NEU3: variants seen among roughly 807,000 people sequenced by gnomAD.
NEU3 encodes neuraminidase 3.
A neutral mutation model predicts 11.4 loss-of-function variants in NEU3; 10 were observed. The ratio of observed to expected loss-of-function variants is 0.88; its 90% CI spans 0.54 to 1.49. The LOEUF (loss-of-function observed/expected upper bound fraction) is 1.49. NEU3 is among the 40% of genes most tolerant of loss of function. The pLI is 0.00. For missense variants in NEU3, 529 were observed against 581.8 expected (o/e 0.91, Z 0.93); for synonymous variants, 212 against 228.2 (o/e 0.93, Z 0.64).
the NEU3 span, among the ~76,000 whole-genome samples, chr11:74,982,096 A>G: frequency 6.6e-6 from 1 of 152,254 alleles, no homozygotes; most frequent in Non-Finnish European, 1.5e-5. Context: ...CCCAAAGATG[A>G]AATAAATGAT....
the NEU3 span, among the ~76,000 whole-genome samples, chr11:74,980,804 A>G: frequency 4.6e-5 from 7 of 152,232 alleles, no homozygotes; most frequent in African/African-American, 1.4e-4. Context: ...TCCTCTAGAA[A>G]GAAGTACTTC....
chr11:74,994,807 A>G lies in NEU3; in HGVS notation c.306+87A>G, dbSNP rs750614094. ...TTCAGGATCTGTGCCTTTTCTCATC[A>G]GTACAGGAAAGCCCTGTGTGGGGAG... On this transcript the variant is annotated intron_variant, in intron 2 of 2. Coordinates refer to ENST00000294064, the MANE Select transcript of NEU3 (RefSeq NM_006656.6). 4.1e-6 allele frequency: 5 copies of G among 1,228,022 alleles called. No homozygotes were observed. In the African/African-American group the frequency reaches 5.9e-5, roughly 14 times the overall value. 76.1% of individuals were successfully genotyped at this position (1,228,022 alleles called of 1,614,324 possible).
chr11:74,983,707 T>C (rs1948651943), upstream of NEU3, among the ~76,000 whole-genome samples: 1 of 152,258 alleles, frequency 6.6e-6, no homozygotes, highest in South Asian at 2.1e-4. Context: ...CAGCTCTGGA[T>C]GGCACTTAAG....
At position 75,005,960 on chromosome 11, in the gene NEU3, C is replaced by T. The variant is rs766775465; in HGVS notation, c.854C>T (p.Ala285Val). ...GCCCGGACACCAAACAGGTGCCGGGCAGAGGCGCTCAGCACTGACCATGGT... is the reference window on the plus strand; with the variant it reads ...GCCCGGACACCAAACAGGTGCCGGGTAGAGGCGCTCAGCACTGACCATGGT... ...CSARTPNRCR[A>V]EALSTDHGEG... The change falls in exon 3 of 3, where the codon GCA becomes GTA. Residue 285 changes from alanine (A) to valine (V), a missense_variant. Transcript: ENST00000294064. The T allele has an allele frequency of 6.2e-7, 1 of 1,613,816 alleles. No individual in the cohort carries two copies. The highest frequency in any genetic ancestry group is 1.1e-5 in the South Asian group (1 of 91,086).
At position 75,008,434 on chromosome 11, in the gene NEU3, T is replaced by A. The variant is rs1047433590; in HGVS notation, c.*1942T>A. ...ATTAAAAGGGCAGCCCCCTCCTGAG[T>A]GGTAGAAACTCCTTGTTTAGCAAAG... On this transcript the variant is annotated 3_prime_UTR_variant, in exon 3 of 3. Coordinates refer to ENST00000294064, the MANE Select transcript of NEU3 (RefSeq NM_006656.6). 1.3e-5 allele frequency: 2 copies of A among 152,118 alleles called. No individual in the cohort carries two copies. The highest frequency in any genetic ancestry group is 4.8e-5 in the African/African-American group (2 of 41,368). 9.4% of individuals were successfully genotyped at this position (152,118 alleles called of 1,614,324 possible).
downstream of NEU3, among the ~76,000 whole-genome samples, chr11:75,013,285 C>T (rs1948967701): frequency 6.6e-6 from 1 of 152,132 alleles, no homozygotes; most frequent in African/African-American, 2.4e-5. Context: ...GTCAGTGAAT[C>T]CTCAAAAGGG....
chr11:74,996,947 G>A (rs905952679), intron 2 of NEU3, among the ~76,000 whole-genome samples: 3 of 152,184 alleles, frequency 2.0e-5, no homozygotes, highest in Non-Finnish European at 4.4e-5. Flanking sequence ...TCAACAGGGG[G>A]CTGTAAACAG....
intron 1 of NEU3, among the ~76,000 whole-genome samples, chr11:74,992,142 A>T (rs1948738888): frequency 6.6e-6 from 1 of 152,250 alleles, no homozygotes; most frequent in African/African-American, 2.4e-5. Context: ...CGAGTGTTCC[A>T]GGCAGAGCCT....
At position 74,989,128 on chromosome 11, in the gene NEU3, A is replaced by G; in HGVS notation, c.68A>G (p.Glu23Gly). ...ESPASSSAPT[E>G]TEEPGSSAEV... ...CCGGCGTCCAGCTCTGCCCCGACAG[A>G]GACGGAGGAGCCGGGGTCCAGTGCA... is the stretch of plus-strand genomic sequence containing the variant. The change falls in exon 1 of 3, where the codon GAG becomes GGG. Residue 23 changes from glutamate (E) to glycine (G), a missense_variant. By Grantham distance (98) the Glu-to-Gly change is moderately conservative. Transcript: ENST00000294064. 6.4e-7 allele frequency: 1 copy of G among 1,551,138 alleles called. No homozygotes were observed. Among genetic ancestry groups the G allele is most frequent in the East Asian group, 2.4e-5 (1 of 40,868 alleles).
At chr11:74,986,207 CAGTT>C (rs752039581), upstream of NEU3, among the ~76,000 whole-genome samples, 16 of 152,156 alleles carry the variant, frequency 1.1e-4, no homozygotes, top group African/African-American at 3.9e-4. Flanking sequence ...TTAAACATGA[CAGTT>C]TATTTACCCT....
downstream of NEU3, among the ~76,000 whole-genome samples, chr11:75,011,936 C>T (rs1948958439): frequency 6.6e-6 from 1 of 152,124 alleles, no homozygotes; most frequent in South Asian, 2.1e-4. Flanking sequence ...GGTGTTACAG[C>T]TACCTTGATC....
upstream of NEU3, among the ~76,000 whole-genome samples, chr11:74,985,707 T>C (rs1375732642): frequency 6.6e-6 from 1 of 152,202 alleles, no homozygotes; most frequent in Non-Finnish European, 1.5e-5. Flanking sequence ...GGAATCCATT[T>C]GCAGGCTTCC....
chr11:75,018,088 T>C (rs948859869), intron 3 of NEU3, among the ~76,000 whole-genome samples: 1 of 152,020 alleles, frequency 6.6e-6, no homozygotes, highest in African/African-American at 2.4e-5. Flanking sequence ...CACTGCCTTT[T>C]TTAACTAACT....
the NEU3 span, among the ~76,000 whole-genome samples, chr11:74,983,263 A>G: frequency 6.6e-6 from 1 of 152,200 alleles, no homozygotes; most frequent in African/African-American, 2.4e-5. Context: ...GTTAATACCA[A>G]TATACATTTA....
chr11:75,001,285 C>T (rs895880405), intron 2 of NEU3, among the ~76,000 whole-genome samples: 83 of 129,832 alleles, frequency 6.4e-4, no homozygotes, highest in Non-Finnish European at 5.3e-4. Context: ...TTTTTTTTTT[C>T]TTTTTTTTTT....
At chr11:74,984,105 T>G (rs1050879914), upstream of NEU3, among the ~76,000 whole-genome samples, 1 of 152,166 alleles carries the variant, frequency 6.6e-6, no homozygotes. Flanking sequence ...GGCATACTTA[T>G]GGGAGAATTC....
In NEU3 at chr11:74,999,320, T is replaced by C. The variant is rs553188844; in HGVS notation, c.306+4600T>C. ...TGCCACTGAGCCCAGCAAGCATTTT[T>C]TATCAGACCACACCTGTTGCATAAC... On this transcript the variant is annotated intron_variant, in intron 2 of 2. Transcript: ENST00000294064. Among the ~76,000 whole-genome samples the C allele has an allele frequency of 3.3e-5, 5 of 152,348 alleles. No homozygotes were observed. In the South Asian group the frequency reaches 1.0e-3, roughly 32 times the overall value.
chr11:75,005,292 C>T lies in NEU3; in HGVS notation c.307-121C>T, dbSNP rs7110097. The T allele has an allele frequency of 4.7e-3, 5,219 of 1,103,098 alleles. 148 individuals are homozygous for T. In the African/African-American group the frequency reaches 0.073, roughly 15 times the overall value. The allele number at this position is 1,103,098 out of a possible 1,614,324, so 68.3% of individuals were successfully genotyped here. A position where few individuals can be genotyped will look rare whatever the true frequency, so the allele number is the denominator to read the frequency against. On this transcript the variant is annotated intron_variant, in intron 2 of 2. Transcript: ENST00000294064. ...AGAATTTAGTGAGTAGTTAGGCCTTCGTGATTTTATAGATTTCAATATCAT... is the reference window on the plus strand; with the variant it reads ...AGAATTTAGTGAGTAGTTAGGCCTTTGTGATTTTATAGATTTCAATATCAT...
At chr11:75,013,173 T>C (rs1347056339), downstream of NEU3, among the ~76,000 whole-genome samples, 2 of 152,172 alleles carry the variant, frequency 1.3e-5, no homozygotes, top group Non-Finnish European at 2.9e-5. Flanking sequence ...ATGGATGACT[T>C]TGTGCAAGTC....
Sources: gnomAD v4.1 joint callset for allele counts (sites outside exome capture counted in the v4.1 genomes callset) on GRCh38, gnomAD v4.1.1 for gene constraint, MANE v1.5 for transcripts, NCBI Gene and HGNC (gene_info 2026-07-23, HGNC 2026-07-21) for gene names.